Variants in CENPP observed in about 807,000 individuals in gnomAD.
CENPP encodes the protein centromere protein P.
Under a neutral mutation model 35.6 loss-of-function variants are expected in CENPP, and 24 were observed. The ratio of observed to expected loss-of-function variants is 0.67; its 90% CI spans 0.49 to 0.95. CENPP has a LOEUF of 0.95. CENPP is among the 40% of genes least tolerant of loss of function. The pLI, the probability that CENPP is intolerant of heterozygous loss-of-function variation, is 0.00. For synonymous variants in CENPP, 120 were observed against 125.5 expected (o/e 0.96, Z 0.29); for missense variants, 332 against 345.3 (o/e 0.96, Z 0.31).
chr9:92,595,916 C>G (rs187582775), intron 5 of CENPP, among the ~76,000 whole-genome samples: 1 of 152,186 alleles, frequency 6.6e-6, no homozygotes, highest in Admixed American at 6.5e-5. Flanking sequence ...CTGTGAAGTA[C>G]AAGTTTGAAC....
At chr9:92,496,453 A>C in intron 5 of CENPP, 2 of 1,609,064 alleles carry the variant, frequency 1.2e-6, no homozygotes, top group Non-Finnish European at 1.7e-6. Flanking sequence ...CATCCTCTTC[A>C]GCATTGCAAA....
chr9:92,505,694 TA>T, intron 5 of CENPP: 3 of 1,559,200 alleles, frequency 1.9e-6, no homozygotes. Context: ...TTTAAGTCTA[TA>T]AAAAATAAAA....
chr9:92,519,107 C>G (rs1184864645), intron 5 of CENPP, among the ~76,000 whole-genome samples: 2 of 152,126 alleles, frequency 1.3e-5, no homozygotes, highest in Non-Finnish European at 2.9e-5. Flanking sequence ...AAATGAGCCT[C>G]TCACATTAGT....
chr9:92,528,605 G>C (rs1848558906), intron 5 of CENPP, among the ~76,000 whole-genome samples: 1 of 151,802 alleles, frequency 6.6e-6, no homozygotes, highest in Non-Finnish European at 1.5e-5. Context: ...ACCAGGAAGA[G>C]TTTGTGTTCC....
At chr9:92,420,011 G>A (rs1843737059) in intron 5 of CENPP, among the ~76,000 whole-genome samples, 2 of 152,064 alleles carry the variant, frequency 1.3e-5, no homozygotes, top group South Asian at 4.1e-4. Flanking sequence ...GTGTGTATTT[G>A]GAATTTGAAG....
intron 5 of CENPP, chr9:92,385,718 T>C (rs749276412): frequency 2.5e-6 from 4 of 1,614,180 alleles, no homozygotes; most frequent in Non-Finnish European, 3.4e-6. Context: ...ATCTCTTCAA[T>C]GCGGTCCCGG....
chr9:92,353,697 C>T (rs915588992), intron 4 of CENPP, among the ~76,000 whole-genome samples: 11 of 152,112 alleles, frequency 7.2e-5, no homozygotes, highest in Non-Finnish European at 1.0e-4. Context: ...CTGGAGGCAG[C>T]GTTCCTCCCT....
chr9:92,395,458 C>A (rs1842856077), intron 5 of CENPP, among the ~76,000 whole-genome samples: 2 of 152,246 alleles, frequency 1.3e-5, no homozygotes, highest in South Asian at 4.2e-4. Flanking sequence ...CAGGTTTTCA[C>A]TATTTCAAAG....
At chr9:92,487,939 A>G (rs1846098568) in intron 5 of CENPP, among the ~76,000 whole-genome samples, 1 of 152,256 alleles carries the variant, frequency 6.6e-6, no homozygotes, top group Admixed American at 6.5e-5. Context: ...CTTTCAGTAC[A>G]GCATTCAGTA....
intron 5 of CENPP, among the ~76,000 whole-genome samples, chr9:92,477,276 C>A (rs1331521600): frequency 2.0e-5 from 3 of 152,160 alleles, no homozygotes; most frequent in African/African-American, 4.8e-5. Context: ...TTGTCCCTGG[C>A]ACATTGTCTC....
At position 92,613,006 on chromosome 9, in the gene CENPP, GTTTTC is replaced by G; in HGVS notation, c.737-9_737-5del. ...CTTGAAGTTTCTTACCCGGTTTAAT[GTTTTC>G]TTTATAGCCCTGGAGCTGGACAAGA... On this transcript the variant is annotated splice_polypyrimidine_tract_variant and splice_region_variant and intron_variant, in intron 7 of 7. Coordinates refer to ENST00000375587, the MANE Select transcript of CENPP (RefSeq NM_001012267.3). The G allele has an allele frequency of 6.2e-7, 1 of 1,613,802 alleles. No homozygotes were observed. Among genetic ancestry groups the G allele is most frequent in the South Asian group, 1.1e-5 (1 of 91,040 alleles).
At chr9:92,356,250 A>G (rs996470856) in intron 4 of CENPP, among the ~76,000 whole-genome samples, 2 of 152,242 alleles carry the variant, frequency 1.3e-5, no homozygotes, top group African/African-American at 4.8e-5. Flanking sequence ...CTCCAAAGGC[A>G]GCCACTATTC....
At chr9:92,452,184 A>C (rs1469979140) in intron 5 of CENPP, among the ~76,000 whole-genome samples, 3,526 of 149,720 alleles carry the variant, frequency 0.024, 63 homozygotes, top group South Asian at 0.059. Context: ...GCCACTTTTC[A>C]AAGGGAATGC....
In CENPP at chr9:92,612,095, T is replaced by C. The variant is rs184608039; in HGVS notation, c.645-428T>C. On this transcript the variant is annotated intron_variant, in intron 6 of 7. Transcript: ENST00000375587. ...CTTCAGCTCTGGAGCACGTGGCTTC[T>C]TTGTTCTGGCTCACACCTCCTGGCA... Among the ~76,000 whole-genome samples the C allele has an allele frequency of 2.6e-3, 399 of 152,378 alleles. 2 individuals are homozygous for C. Among genetic ancestry groups the C allele is most frequent in the African/African-American group, 9.0e-3 (375 of 41,592 alleles).
At chr9:92,404,420 T>G in intron 5 of CENPP, 1 of 965,280 alleles carries the variant, frequency 1.0e-6, no homozygotes, top group Non-Finnish European at 1.4e-6. Flanking sequence ...GGCCTTTACA[T>G]TTATTAAGAC....
At chr9:92,393,237 G>T in intron 5 of CENPP, 1 of 1,565,902 alleles carries the variant, frequency 6.4e-7, no homozygotes, top group Non-Finnish European at 8.6e-7. Flanking sequence ...GCAGACACGT[G>T]GGCATTTCTA....
Position 92,444,441 on chromosome 9 carries a change from CT to C in CENPP, c.564+64594del, listed in dbSNP as rs879288312. Among the ~76,000 whole-genome samples, 768 of 143,118 alleles carry C rather than the reference CT, an allele frequency of 5.4e-3. 3 individuals are homozygous for C. Among genetic ancestry groups the C allele is most frequent in the African/African-American group, 9.2e-3 (360 of 39,316 alleles). The allele number at this position is 143,118 out of a possible 152,430, so 93.9% of individuals were successfully genotyped here. A position where few individuals can be genotyped will look rare whatever the true frequency, so the allele number is the denominator to read the frequency against. On this transcript the variant is annotated intron_variant, in intron 5 of 7. Coordinates refer to ENST00000375587, the MANE Select transcript of CENPP (RefSeq NM_001012267.3). ...TTGCAAAATTCTTCCATTCTATGAGCTTTTTTTTTTTTACTTTCTTGATGAT... is the reference window on the plus strand; with the variant it reads ...TTGCAAAATTCTTCCATTCTATGAGCTTTTTTTTTTTACTTTCTTGATGAT...
intron 5 of CENPP, chr9:92,460,341 G>T (rs904620054): frequency 1.1e-5 from 6 of 560,770 alleles, no homozygotes; most frequent in African/African-American, 2.0e-5. Context: ...GCCAATTGTG[G>T]TTCTTTCTAG....
At chr9:92,471,248 G>A (rs1269947024) in intron 5 of CENPP, among the ~76,000 whole-genome samples, 1 of 151,114 alleles carries the variant, frequency 6.6e-6, no homozygotes, top group Admixed American at 6.6e-5. Context: ...CCAGGCTGGA[G>A]TGCAGTGGCA....
Sources: allele counts gnomAD v4.1 joint callset (sites outside exome capture counted in the v4.1 genomes callset), GRCh38; gene constraint gnomAD v4.1.1; transcripts MANE v1.5; gene names NCBI Gene and HGNC (gene_info 2026-07-23, HGNC 2026-07-21).